GABRA4: variants seen among roughly 807,000 people sequenced by gnomAD.
The protein encoded by GABRA4 is gamma-aminobutyric acid receptor subunit alpha-4.
A neutral mutation model predicts 49.7 loss-of-function variants in GABRA4; 12 were observed. The observed-to-expected ratio is 0.24, with a 90% CI of 0.15 to 0.39. The LOEUF (loss-of-function observed/expected upper bound fraction) is 0.39, where lower values mean the gene tolerates loss of function less well. Among genes scored for constraint, GABRA4 ranks in the 10% least tolerant of loss-of-function variants. The pLI is 1.00. For missense variants in GABRA4, 506 were observed against 686.0 expected (o/e 0.74, Z 2.93); for synonymous variants, 288 against 240.2 (o/e 1.20, Z -1.84).
chr4:46,946,781 C>A (rs1014878590), intron 8 of GABRA4, among the ~76,000 whole-genome samples: 3 of 152,024 alleles, frequency 2.0e-5, no homozygotes, highest in Non-Finnish European at 4.4e-5. Flanking sequence ...AAAGACTAAG[C>A]ACTGGTGCAT....
intron 8 of GABRA4, among the ~76,000 whole-genome samples, chr4:46,956,314 T>C (rs1722359460): frequency 6.6e-6 from 1 of 152,062 alleles, no homozygotes; most frequent in Non-Finnish European, 1.5e-5. Context: ...CAAAACCAAG[T>C]TTAAAAATGA....
intron 8 of GABRA4, among the ~76,000 whole-genome samples, chr4:46,960,378 T>G (rs958402404): frequency 4.6e-5 from 7 of 151,688 alleles, no homozygotes; most frequent in African/African-American, 1.7e-4. Flanking sequence ...AAAATCAAGA[T>G]AATAAAAGGT....
At chr4:46,947,945 A>G (rs1722037396) in intron 8 of GABRA4, among the ~76,000 whole-genome samples, 1 of 151,928 alleles carries the variant, frequency 6.6e-6, no homozygotes, top group African/African-American at 2.4e-5. Flanking sequence ...GGTTGGAATC[A>G]CCCAGAAGAT....
At chr4:46,975,210 A>T (rs1263280668) in intron 5 of GABRA4, among the ~76,000 whole-genome samples, 1 of 151,936 alleles carries the variant, frequency 6.6e-6, no homozygotes, top group Non-Finnish European at 1.5e-5. Flanking sequence ...CCATCCTAAA[A>T]TGGCTATAGC....
intron 8 of GABRA4, among the ~76,000 whole-genome samples, chr4:46,938,825 CTCATTCAT>C (rs3046812): frequency 1.3e-5 from 2 of 151,986 alleles, no homozygotes; most frequent in Non-Finnish European, 2.9e-5. Context: ...ACTGATTCAA[CTCATTCAT>C]TCATTCATTC....
intron 8 of GABRA4, among the ~76,000 whole-genome samples, chr4:46,955,968 A>T (rs902735592): frequency 6.6e-6 from 1 of 152,080 alleles, no homozygotes; most frequent in African/African-American, 2.4e-5. Context: ...AACACTTGCT[A>T]TCTGAGTAGC....
intron 1 of GABRA4, 33 bp downstream of exon 1, chr4:46,993,306 G>A (rs772619351): frequency 1.3e-6 from 2 of 1,586,860 alleles, no homozygotes; most frequent in East Asian, 2.2e-5. Context: ...TCCACTTTCC[G>A]TTGCCCACCT....
chr4:46,964,057 T>C (rs772208484), intron 8 of GABRA4, among the ~76,000 whole-genome samples: 1 of 151,762 alleles, frequency 6.6e-6, no homozygotes. Flanking sequence ...GGTACATATA[T>C]ACAGTGAATG....
chr4:46,986,519 C>A (rs1723544475), intron 2 of GABRA4, among the ~76,000 whole-genome samples: 1 of 152,042 alleles, frequency 6.6e-6, no homozygotes, highest in African/African-American at 2.4e-5. Flanking sequence ...TTTAAGTCTT[C>A]TTGGGACAAA....
chr4:46,942,111 C>T (rs2109348630), intron 8 of GABRA4, among the ~76,000 whole-genome samples: 1 of 152,158 alleles, frequency 6.6e-6, no homozygotes, highest in East Asian at 1.9e-4. Flanking sequence ...TCCCATTATT[C>T]AACAAATATT....
chr4:46,992,967 ACC>A, intron 1 of GABRA4, 21 bp from the exon 2 acceptor site: 1 of 1,463,434 alleles, frequency 6.8e-7, no homozygotes, highest in Non-Finnish European at 9.6e-7. Flanking sequence ...AAAAAAAAAA[ACC>A]GGGGGCGGAG....
intron 8 of GABRA4, among the ~76,000 whole-genome samples, chr4:46,949,888 C>A (rs1382634188): frequency 6.6e-6 from 1 of 151,900 alleles, no homozygotes; most frequent in Non-Finnish European, 1.5e-5. Flanking sequence ...AAATAGGATT[C>A]ACCATATAAA....
chr4:46,923,682 T>C lies in GABRA4; in HGVS notation c.*4543A>G, dbSNP rs1292541503. 6.6e-6 allele frequency: 1 copy of C among 152,130 alleles called. No individual in the cohort carries two copies. The highest frequency in any genetic ancestry group is 1.5e-5 in the Non-Finnish European group (1 of 68,004). The allele number at this position is 152,130 out of a possible 1,614,324, so 9.4% of individuals were successfully genotyped here. The stretch of plus-strand genomic sequence containing the variant: ...TCTAGATTTGTGGCCCTCCAAACCA[T>C]AGTTCACACAATAATCAGGTGCTTT... On this transcript the variant is annotated 3_prime_UTR_variant, in exon 9 of 9. Coordinates refer to ENST00000264318, the MANE Select transcript of GABRA4 (RefSeq NM_000809.4).
chr4:46,929,789 T>A (rs1222189970), intron 8 of GABRA4, among the ~76,000 whole-genome samples: 2 of 152,056 alleles, frequency 1.3e-5, no homozygotes, highest in African/African-American at 4.8e-5. Context: ...TGATCATTAC[T>A]TTCCATAACT....
rs1429409135 is a variant in GABRA4 at position 46,926,500 on chromosome 4, G to A, written c.*1725C>T. 6.6e-6 allele frequency: 1 copy of A among 151,740 alleles called. No homozygotes were observed. Among genetic ancestry groups the A allele is most frequent in the Non-Finnish European group, 1.5e-5 (1 of 67,836 alleles). The allele number at this position is 151,740 out of a possible 1,614,324, so 9.4% of individuals were successfully genotyped here. The stretch of plus-strand genomic sequence containing the variant: ...TATTTGGCATTTGCACAATTTTCAG[G>A]TATCAAAAACAACCATTATAAGGTA... On this transcript the variant is annotated 3_prime_UTR_variant, in exon 9 of 9. Coordinates refer to ENST00000264318, the MANE Select transcript of GABRA4 (RefSeq NM_000809.4).
At chr4:46,985,217 A>G (rs1437130481) in intron 2 of GABRA4, among the ~76,000 whole-genome samples, 2 of 152,100 alleles carry the variant, frequency 1.3e-5, no homozygotes, top group Non-Finnish European at 2.9e-5. Context: ...CTTTTAAAAT[A>G]AAGACAGTCA....
At chr4:46,976,109 A>T (rs1723131200) in intron 5 of GABRA4, among the ~76,000 whole-genome samples, 1 of 151,848 alleles carries the variant, frequency 6.6e-6, no homozygotes, top group Admixed American at 6.6e-5. Flanking sequence ...GACCTTAGAA[A>T]AGGCAATCAC....
chr4:46,934,437 T>C (rs1465975961), intron 8 of GABRA4, among the ~76,000 whole-genome samples: 1 of 152,126 alleles, frequency 6.6e-6, no homozygotes, highest in East Asian at 1.9e-4. Flanking sequence ...CAAATAAACA[T>C]GCTAAATATT....
rs949574 is a variant in GABRA4 at position 46,979,578 on chromosome 4, C to A, written c.206-480G>T. Among the ~76,000 whole-genome samples, 572 of 152,156 alleles carry A rather than the reference C, an allele frequency of 3.8e-3. 2 individuals carry two copies. Among genetic ancestry groups the A allele is most frequent in the African/African-American group, 0.013 (555 of 41,538 alleles). The stretch of plus-strand genomic sequence containing the variant: ...ATAATTTTAAAAATGATTCATGTCA[C>A]CTTTATCAACAAGCACACCATCCAC... On this transcript the variant is annotated intron_variant, in intron 2 of 8. Coordinates refer to ENST00000264318, the MANE Select transcript of GABRA4 (RefSeq NM_000809.4).
Sources: gnomAD v4.1 joint callset for allele counts (sites outside exome capture counted in the v4.1 genomes callset) on GRCh38, gnomAD v4.1.1 for gene constraint, MANE v1.5 for transcripts, NCBI Gene and HGNC (gene_info 2026-07-23, HGNC 2026-07-21) for gene names.